ZFPM2: variants seen among roughly 807,000 people sequenced by gnomAD.
ZFPM2 encodes zinc finger protein ZFPM2.
A neutral mutation model predicts 98.6 loss-of-function variants in ZFPM2; 20 were observed. The ratio of observed to expected loss-of-function variants is 0.20; its 90% confidence interval spans 0.14 to 0.29. The LOEUF is 0.29. ZFPM2 is among the 10% of genes least tolerant of loss of function. ZFPM2 has a pLI of 1.00. For missense variants in ZFPM2, 1,310 were observed against 1,388.6 expected (o/e 0.94, Z 0.90); for synonymous variants, 518 against 502.7 (o/e 1.03, Z -0.41).
At chr8:105,640,133 G>T (rs1028639215) in intron 5 of ZFPM2, among the ~76,000 whole-genome samples, 3 of 151,868 alleles carry the variant, frequency 2.0e-5, no homozygotes. Context: ...ATAAATTTAG[G>T]TTTCGATGGG....
chr8:105,552,233 A>G (rs1051255566), intron 3 of ZFPM2, among the ~76,000 whole-genome samples: 2 of 152,046 alleles, frequency 1.3e-5, no homozygotes, highest in African/African-American at 4.8e-5. Flanking sequence ...TCATGGACGG[A>G]CCTTTCTGTG....
chr8:105,763,804 G>A (rs1037892686), intron 5 of ZFPM2, among the ~76,000 whole-genome samples: 3 of 151,796 alleles, frequency 2.0e-5, no homozygotes, highest in African/African-American at 7.2e-5. Context: ...GGCAAATGGA[G>A]TAAGATCATA....
At chr8:105,471,225 A>G (rs1376515699) in intron 3 of ZFPM2, among the ~76,000 whole-genome samples, 6 of 152,248 alleles carry the variant, frequency 3.9e-5, no homozygotes, top group South Asian at 2.1e-4. Context: ...ACGGAGTTGG[A>G]CAGTGATGAT....
intron 1 of ZFPM2, among the ~76,000 whole-genome samples, chr8:105,376,653 G>A (rs886827476): frequency 4.0e-5 from 6 of 150,924 alleles, no homozygotes; most frequent in Non-Finnish European, 8.9e-5. Context: ...TAAAAAAGCT[G>A]GGAGTTAGCA....
At chr8:105,406,628 T>C (rs1307854706) in intron 1 of ZFPM2, among the ~76,000 whole-genome samples, 1 of 152,026 alleles carries the variant, frequency 6.6e-6, no homozygotes, top group East Asian at 1.9e-4. Flanking sequence ...AGAAAACAAA[T>C]TGGTGTGTCC....
At chr8:105,625,984 GAGAA>G (rs947280262) in intron 4 of ZFPM2, among the ~76,000 whole-genome samples, 13 of 143,824 alleles carry the variant, frequency 9.0e-5, no homozygotes, top group South Asian at 2.2e-4. Context: ...AAAAAAAAAA[GAGAA>G]AGAAAGAAAG....
intron 4 of ZFPM2, among the ~76,000 whole-genome samples, chr8:105,598,200 G>C (rs1157800964): frequency 6.6e-6 from 1 of 151,668 alleles, no homozygotes; most frequent in East Asian, 1.9e-4. Flanking sequence ...CCTTGCAACA[G>C]GGCTTGCTTG....
chr8:105,712,836 C>A (rs1478605317), intron 5 of ZFPM2, among the ~76,000 whole-genome samples: 1 of 152,042 alleles, frequency 6.6e-6, no homozygotes, highest in East Asian at 1.9e-4. Context: ...TGTTAATTCA[C>A]TTAGGATTAT....
At chr8:105,366,370 A>T (rs2129787717) in intron 1 of ZFPM2, among the ~76,000 whole-genome samples, 1 of 152,272 alleles carries the variant, frequency 6.6e-6, no homozygotes, top group East Asian at 1.9e-4. Flanking sequence ...GCATCTTTTA[A>T]CATCTTTTTA....
intron 1 of ZFPM2, among the ~76,000 whole-genome samples, chr8:105,345,425 C>CTTTTTTT (rs10560485): frequency 4.1e-5 from 4 of 98,358 alleles, no homozygotes; most frequent in Non-Finnish European, 7.9e-5. Flanking sequence ...TCGTGATGTT[C>CTTTTTTT]TTTTTTTTTT....
At chr8:105,408,414 GAT>G (rs1281514870) in intron 1 of ZFPM2, among the ~76,000 whole-genome samples, 2 of 151,846 alleles carry the variant, frequency 1.3e-5, no homozygotes, top group African/African-American at 4.8e-5. Context: ...GTTCCGTGTT[GAT>G]ATGTGTCCTA....
intron 5 of ZFPM2, among the ~76,000 whole-genome samples, chr8:105,757,000 G>T (rs1236186708): frequency 6.6e-6 from 1 of 152,068 alleles, no homozygotes; most frequent in Non-Finnish European, 1.5e-5. Context: ...TATACTAGTC[G>T]ATAATTTACA....
chr8:105,538,238 A>G (rs1048432199), intron 3 of ZFPM2, among the ~76,000 whole-genome samples: 3 of 152,184 alleles, frequency 2.0e-5, no homozygotes, highest in Non-Finnish European at 4.4e-5. Context: ...CTTAATATAT[A>G]AAATGGGTAA....
intron 3 of ZFPM2, among the ~76,000 whole-genome samples, chr8:105,476,099 G>A (rs771676457): frequency 1.1e-4 from 17 of 152,088 alleles, no homozygotes; most frequent in Admixed American, 2.6e-4. Context: ...ATAATGCCAC[G>A]AACTACTATT....
In ZFPM2 at chr8:105,802,295, G is replaced by A. The variant is rs780534224; in HGVS notation, c.2213G>A (p.Arg738His). Residue 738 changes from arginine (R) to histidine (H), a missense_variant, in exon 8 of 8, where the codon CGC becomes CAC. By Grantham distance (29) the Arg-to-His change is conservative (BLOSUM62 0). Coordinates refer to ENST00000407775, the MANE Select transcript of ZFPM2 (RefSeq NM_012082.4). ...AMQRTMRTRKRRKMYEMCLPE... is the reference protein window; with the variant it reads ...AMQRTMRTRKHRKMYEMCLPE... ...CAGAGAACCATGCGCACACGCAAGC[G>A]CAGAAAGATGTATGAGATGTGCCTA... 13 of 1,613,626 alleles carry A rather than the reference G, an allele frequency of 8.1e-6. No individual in the cohort carries two copies. The highest frequency in any genetic ancestry group is 2.2e-5 in the East Asian group (1 of 44,836).
At position 105,798,803 on chromosome 8, in the gene ZFPM2, C is replaced by T; in HGVS notation, c.819C>T (p.Cys273=). The T allele has an allele frequency of 6.2e-7, 1 of 1,613,894 alleles. No homozygotes were observed. The highest frequency in any genetic ancestry group is 8.5e-7 in the Non-Finnish European group (1 of 1,179,860). Residue 273 remains cysteine (C), a synonymous_variant, in exon 7 of 8, where the codon TGC becomes TGT. Coordinates refer to ENST00000407775, the MANE Select transcript of ZFPM2 (RefSeq NM_012082.4). ...TGCAGGCCCATTTGATGTACTACTG[C>T]AGTGGGAGGCAAAGAGAAGCTGCTC... The part of the protein sequence containing the change: ...RNLQAHLMYY[C]SGRQREAAPV...
At chr8:105,561,566 T>C (rs933678462) in intron 4 of ZFPM2, 85 bp downstream of exon 4, 2 of 1,049,372 alleles carry the variant, frequency 1.9e-6, no homozygotes, top group African/African-American at 3.2e-5. Context: ...CTGCTTGCTT[T>C]CCAATGAAAT....
intron 5 of ZFPM2, among the ~76,000 whole-genome samples, chr8:105,664,769 C>T (rs1032028383): frequency 6.6e-6 from 1 of 151,958 alleles, no homozygotes; most frequent in Admixed American, 6.6e-5. Context: ...TCAGAGGGAC[C>T]TGATTAGTAA....
chr8:105,532,311 A>G (rs998227593), intron 3 of ZFPM2, among the ~76,000 whole-genome samples: 1 of 152,204 alleles, frequency 6.6e-6, no homozygotes, highest in African/African-American at 2.4e-5. Flanking sequence ...TCCAGAACTT[A>G]TATGAATTTT....
Sources: allele counts gnomAD v4.1 joint callset (sites outside exome capture counted in the v4.1 genomes callset), GRCh38; gene constraint gnomAD v4.1.1; transcripts MANE v1.5; gene names NCBI Gene and HGNC (gene_info 2026-07-23, HGNC 2026-07-21).